CCDC142: variants seen among roughly 807,000 people sequenced by gnomAD.
CCDC142 encodes coiled-coil domain-containing protein 142.
Under a neutral mutation model 83.8 loss-of-function variants are expected in CCDC142, and 67 were observed. The ratio of observed to expected loss-of-function variants is 0.80; its 90% CI spans 0.66 to 0.98. CCDC142 has a LOEUF of 0.98. Among genes scored for constraint, CCDC142 ranks in the 50% least tolerant of loss-of-function variants. The pLI, the probability that CCDC142 is intolerant of heterozygous loss-of-function variation, is 0.00. For missense variants in CCDC142, 905 were observed against 946.8 expected, an observed-to-expected ratio of 0.96 and a Z score of 0.58; for synonymous variants, 421 against 421.2, an observed-to-expected ratio of 1.00 and a Z score of 0.01.
chr2:74,482,115 C>T lies in CCDC142; in HGVS notation c.723G>A (p.Gly241=), dbSNP rs763868372. The change falls in exon 1 of 9, where the codon GGG becomes GGA. Residue 241 remains glycine (G), a synonymous_variant. Transcript: ENST00000393965. This position sits in a 1 kb window ranked among gnomAD's most constrained non-coding sequence, Gnocchi z 5.0. ...GACTTGCCACCTGGCAACCCCGCTC[C>T]CCCGTCAAGAGGCGGAGCACACGGG... ...PTSRVLRLLT[G]ERGCQVASRL... is the part of the protein sequence containing the mutation. 1.1e-5 allele frequency: 17 copies of T among 1,613,686 alleles called. No homozygotes were observed. Among genetic ancestry groups the T allele is most frequent in the Non-Finnish European group, 1.4e-5 (16 of 1,179,962 alleles).
In CCDC142 at chr2:74,481,489, T is replaced by G. The variant is rs759513134; in HGVS notation, c.1071A>C (p.Arg357Ser). The G allele has an allele frequency of 8.1e-6, 13 of 1,613,978 alleles. No homozygotes were observed. Among genetic ancestry groups the G allele is most frequent in the Middle Eastern group, 1.6e-4 (1 of 6,084 alleles). Residue 357 changes from arginine to serine, a missense_variant, in exon 2 of 9, where the codon AGA becomes AGC. By Grantham distance (110) the Arg-to-Ser change is moderately radical (BLOSUM62 -1). Around this residue, in one of 3 missense-constraint regions of CCDC142, gnomAD observed 591 missense variants for 571.4 expected, o/e 1.03. Transcript: ENST00000393965. ...TCCAGATAAGCGACTGATGAAGTAG[T>G]CTGTGACACAAAGATGCCAGCTCCT... is the stretch of plus-strand genomic sequence containing the variant. ...CEKELASLCHRLLHQSLIWSW... is the reference protein window; with the variant it reads ...CEKELASLCHSLLHQSLIWSW...
Position 74,481,334 on chromosome 2 carries a change from TC to T in CCDC142, c.1146del (p.Ser383AlafsTer44). 1.9e-6 allele frequency: 3 copies of T among 1,614,072 alleles called. No homozygotes were observed. Among genetic ancestry groups the T allele is most frequent in the Non-Finnish European group, 2.5e-6 (3 of 1,180,008 alleles). ...CQALGSALGG[Q>X]SSLPTSSGTA... ...GTGCCAGAGGATGTGGGAAGGCTGC[TC>T]TGACCCCCAAGAGCTGATCCCAAGG... On this transcript the variant is annotated frameshift_variant, in exon 3 of 9. Coordinates refer to ENST00000393965, the MANE Select transcript of CCDC142 (RefSeq NM_001365575.2). LOFTEE classifies it high-confidence loss of function.
Position 74,481,966 on chromosome 2 carries a change from C to T in CCDC142, c.872G>A (p.Cys291Tyr). 1.9e-6 allele frequency: 3 copies of T among 1,613,900 alleles called. No individual in the cohort carries two copies. The highest frequency in any genetic ancestry group is 2.2e-5 in the South Asian group (2 of 91,086). The change falls in exon 1 of 9, where the codon TGT becomes TAT. Residue 291 changes from cysteine (C) to tyrosine (Y), a missense_variant. Cys to Tyr is a radical substitution (Grantham distance 194). Transcript: ENST00000393965. ...CCCAGCCCCTCCGAGCCCTAGTCCACAGCTGGCTGAACCCGCCACGCCCCC... is the reference window on the plus strand; with the variant it reads ...CCCAGCCCCTCCGAGCCCTAGTCCATAGCTGGCTGAACCCGCCACGCCCCC... ...LVGGVAGSAS[C>Y]GLGLGGAGAL...
Position 74,472,991 on chromosome 2 carries a change from T to G in CCDC142, c.*1555A>C. The G allele has an allele frequency of 2.5e-6, 1 of 393,648 alleles. No individual in the cohort carries two copies. The highest frequency in any genetic ancestry group is 6.5e-5 in the East Asian group (1 of 15,272). The allele number at this position is 393,648 out of a possible 1,614,324, so 24.4% of individuals were successfully genotyped here. Reference sequence around the variant, plus strand: ...GTTTTCTGCAGCCTTTCCCCTTCTGTACCCTGCTGGGCCACATCTAGGCTA... The same window carrying G: ...GTTTTCTGCAGCCTTTCCCCTTCTGGACCCTGCTGGGCCACATCTAGGCTA... On this transcript the variant is annotated 3_prime_UTR_variant, in exon 9 of 9. Coordinates refer to ENST00000393965, the MANE Select transcript of CCDC142 (RefSeq NM_001365575.2).
chr2:74,472,995 C>G lies in CCDC142; in HGVS notation c.*1551G>C. ...TCTGCAGCCTTTCCCCTTCTGTACCCTGCTGGGCCACATCTAGGCTAACTC... is the reference window on the plus strand; with the variant it reads ...TCTGCAGCCTTTCCCCTTCTGTACCGTGCTGGGCCACATCTAGGCTAACTC... On this transcript the variant is annotated 3_prime_UTR_variant, in exon 9 of 9. Transcript: ENST00000393965. 1 of 388,596 alleles carries G rather than the reference C, an allele frequency of 2.6e-6. No homozygotes were observed. The highest frequency in any genetic ancestry group is 4.8e-6 in the Non-Finnish European group (1 of 208,568). The allele number at this position is 388,596 out of a possible 1,614,324, so 24.1% of individuals were successfully genotyped here.
intron 5 of CCDC142, among the ~76,000 whole-genome samples, 159 bp from the exon 6 acceptor site, chr2:74,475,885 T>C (rs920672288): frequency 3.3e-5 from 5 of 152,130 alleles, no homozygotes; most frequent in Admixed American, 6.6e-5. Context: ...ATAGTTGTCA[T>C]TGGGTTTTCC....
intron 1 of CCDC142, 71 bp downstream of exon 1, chr2:74,481,746 G>A (rs1313559821): frequency 6.5e-7 from 1 of 1,530,112 alleles, no homozygotes; most frequent in African/African-American, 1.4e-5. Flanking sequence ...AGGATGGCAG[G>A]TCAGTGAGTT....
In CCDC142 at chr2:74,482,784, C is replaced by A; in HGVS notation, c.54G>T (p.Pro18=). 4 of 1,600,376 alleles carry A rather than the reference C, an allele frequency of 2.5e-6. No homozygotes were observed. Among genetic ancestry groups the A allele is most frequent in the Non-Finnish European group, 3.4e-6 (4 of 1,179,932 alleles). The change falls in exon 1 of 9, where the codon CCG becomes CCT. Residue 18 remains proline (P), a synonymous_variant. Transcript: ENST00000393965. This position sits in a 1 kb window ranked among gnomAD's most constrained non-coding sequence, Gnocchi z 5.0. ...GSLPPLVIVP[P]LRAQPGGTGE... ...CAGTGCCCCCGGGTTGCGCCCTCAG[C>A]GGGGGCACGATAACGAGTGGAGGCA...
chr2:74,478,041 T>A (rs1318582785), intron 5 of CCDC142, among the ~76,000 whole-genome samples: 3 of 147,276 alleles, frequency 2.0e-5, no homozygotes, highest in African/African-American at 7.4e-5. Context: ...AAAATATATA[T>A]AGATATAATA....
In CCDC142 at chr2:74,474,081, A is replaced by AT. The variant is rs36104438; in HGVS notation, c.*464dup. 0.12 allele frequency: 11,327 copies of AT among 97,406 alleles called. 897 individuals are homozygous for AT. Among genetic ancestry groups the AT allele is most frequent in the East Asian group, 0.31 (1,084 of 3,518 alleles). 6.0% of individuals were successfully genotyped at this position (97,406 alleles called of 1,614,324 possible). A position where few individuals can be genotyped will look rare whatever the true frequency, so the allele number is the denominator to read the frequency against. On this transcript the variant is annotated 3_prime_UTR_variant, in exon 9 of 9. Transcript: ENST00000393965. ...GCCACCATGCCCTGCCTAATCTTGG[A>AT]TTTTTTTTTTTTTTTTTTTTGAGAC...
intron 5 of CCDC142, among the ~76,000 whole-genome samples, chr2:74,479,740 C>T (rs1558573773): frequency 6.6e-6 from 1 of 152,096 alleles, no homozygotes; most frequent in African/African-American, 2.4e-5. Flanking sequence ...AGTACAGGCG[C>T]ATGCCACCAT....
At chr2:74,478,148 G>A (rs765795439) in intron 5 of CCDC142, among the ~76,000 whole-genome samples, 10 of 149,324 alleles carry the variant, frequency 6.7e-5, no homozygotes, top group Non-Finnish European at 1.3e-4. Flanking sequence ...TGGAACCTCC[G>A]CCTCCCGGAT....
At chr2:74,475,181 C>T in intron 7 of CCDC142, 44 bp downstream of exon 7, 1 of 1,613,628 alleles carries the variant, frequency 6.2e-7, no homozygotes, top group South Asian at 1.1e-5. Context: ...CCTTCCTTTT[C>T]CCAGTTCCAT....
At position 74,482,355 on chromosome 2, in the gene CCDC142, A is replaced by G. The variant is rs1351741464; in HGVS notation, c.483T>C (p.Thr161=). 1 of 1,594,038 alleles carries G rather than the reference A, an allele frequency of 6.3e-7. No homozygotes were observed. The highest frequency in any genetic ancestry group is 1.1e-5 in the South Asian group (1 of 89,018). The change falls in exon 1 of 9, where the codon ACT becomes ACC. Residue 161 remains threonine (T), a synonymous_variant. Coordinates refer to ENST00000393965, the MANE Select transcript of CCDC142 (RefSeq NM_001365575.2). This position sits in a 1 kb window ranked among gnomAD's most constrained non-coding sequence, Gnocchi z 5.0. ...GGCGCGCTAGCAGCAGCGGCTCGAGAGTCTCCCCAGGGCCGATTCGCAGAA... is the reference window on the plus strand; with the variant it reads ...GGCGCGCTAGCAGCAGCGGCTCGAGGGTCTCCCCAGGGCCGATTCGCAGAA... ...GAVLRIGPGE[T]LEPLLLARPI...
chr2:74,480,704 C>T, intron 5 of CCDC142, 65 bp downstream of exon 5: 1 of 1,120,992 alleles, frequency 8.9e-7, no homozygotes, highest in Non-Finnish European at 1.3e-6. Flanking sequence ...CTACTCTTCC[C>T]ACCCCCGATA....
In CCDC142 at chr2:74,474,284, C is replaced by T. The variant is rs1572927728; in HGVS notation, c.*262G>A. On this transcript the variant is annotated 3_prime_UTR_variant, in exon 9 of 9. Coordinates refer to ENST00000393965, the MANE Select transcript of CCDC142 (RefSeq NM_001365575.2). ...ATTTTTAGTGGAAACAGGGTTTCAC[C>T]GTGTTAGCCAGGATGGTCTTGATCT... The T allele has an allele frequency of 6.9e-6, 2 of 289,858 alleles. No individual in the cohort carries two copies. Among genetic ancestry groups the T allele is most frequent in the South Asian group, 6.0e-5 (1 of 16,672 alleles). The allele number at this position is 289,858 out of a possible 1,614,324, so 18.0% of individuals were successfully genotyped here. A position where few individuals can be genotyped will look rare whatever the true frequency, so the allele number is the denominator to read the frequency against.
At position 74,474,680 on chromosome 2, in the gene CCDC142, G is replaced by A. The variant is rs150264112; in HGVS notation, c.2119C>T (p.Leu707=). The A allele has an allele frequency of 6.2e-7, 1 of 1,614,092 alleles. No individual in the cohort carries two copies. Among genetic ancestry groups the A allele is most frequent in the Non-Finnish European group, 8.5e-7 (1 of 1,180,040 alleles). The change falls in exon 9 of 9, where the codon CTA becomes TTA. Residue 707 remains leucine (L), a synonymous_variant. Coordinates refer to ENST00000393965, the MANE Select transcript of CCDC142 (RefSeq NM_001365575.2). ...TCCGGGCTAGGTCCCCTTCCTCCTA[G>A]TGTGCTTTGCAGCTGACCTGTCTGG... The part of the protein sequence containing the change: ...PAQTGQLQST[L]GGRGPSPEGY...
chr2:74,482,726 C>G lies in CCDC142; in HGVS notation c.112G>C (p.Gly38Arg). 1.2e-6 allele frequency: 2 copies of G among 1,604,986 alleles called. No individual in the cohort carries two copies. Among genetic ancestry groups the G allele is most frequent in the Non-Finnish European group, 1.7e-6 (2 of 1,179,968 alleles). Residue 38 changes from glycine to arginine, a missense_variant, in exon 1 of 9, where the codon GGT becomes CGT. Gly to Arg is a moderately radical substitution (Grantham distance 125). Transcript: ENST00000393965. This position sits in a 1 kb window ranked among gnomAD's most constrained non-coding sequence, Gnocchi z 5.0. ...EEQWERSRTG[G>R]LRWEVHCWPS... ...CAGCAGTGAACCTCCCAGCGAAGAC[C>G]GCCCGTTCGACTTCTCTCCCACTGC...
In CCDC142 at chr2:74,480,782, G is replaced by A. The variant is rs1208357098; in HGVS notation, c.1490C>T (p.Thr497Ile). Residue 497 changes from threonine (T) to isoleucine (I), a missense_variant, in exon 5 of 9, where the codon ACT becomes ATT. Physicochemically the swap from Thr to Ile is moderately conservative, Grantham distance 89 (BLOSUM62 -1). Transcript: ENST00000393965. ...QQLGLEIQKL[T>I]AQIQLLPEES... ...CCCTGTTCTCACCTGGATCTGTGCA[G>A]TCAGCTTCTGGATCTCCAGGCCCAG... is the stretch of plus-strand genomic sequence containing the variant. The A allele has an allele frequency of 6.2e-7, 1 of 1,612,658 alleles. No individual in the cohort carries two copies. Among genetic ancestry groups the A allele is most frequent in the African/African-American group, 1.3e-5 (1 of 74,902 alleles).
Sources: gnomAD v4.1 joint callset for allele counts (sites outside exome capture counted in the v4.1 genomes callset) on GRCh38, gnomAD v4.1.1 for gene constraint, gnomAD v4.1.1 regional missense constraint, Gnocchi (gnomAD v3.1) non-coding constraint, MANE v1.5 for transcripts, NCBI Gene and HGNC (gene_info 2026-07-23, HGNC 2026-07-21) for gene names.